Variants in KANK1 observed in about 807,000 individuals in gnomAD.
KANK1 encodes KN motif and ankyrin repeat domain-containing protein 1.
Under a neutral mutation model 106.2 loss-of-function variants are expected in KANK1, and 109 were observed. That is an observed-to-expected ratio of 1.03 (90% CI 0.88 to 1.20). The LOEUF (loss-of-function observed/expected upper bound fraction) is 1.20, where lower values mean the gene tolerates loss of function less well. Ranked by LOEUF, KANK1 falls within the 50% of genes most tolerant of loss-of-function variation. The probability of loss-of-function intolerance (pLI) is 0.00; values close to 1 mark genes in which losing one functional copy is unlikely to be tolerated. For synonymous variants in KANK1, 873 were observed against 652.2 expected, an observed-to-expected ratio of 1.34 and a Z score of -5.16; for missense variants, 2,399 against 1,710.7, an observed-to-expected ratio of 1.40 and a Z score of -7.10.
At chr9:504,461 C>A (rs980797979), upstream of KANK1, among the ~76,000 whole-genome samples, 3 of 151,586 alleles carry the variant, frequency 2.0e-5, no homozygotes, top group African/African-American at 4.8e-5. Flanking sequence ...AAAGAGCGCC[C>A]CCGCGGGGAG....
At chr9:622,027 T>C (rs984272332) in intron 1 of KANK1, among the ~76,000 whole-genome samples, 7 of 152,198 alleles carry the variant, frequency 4.6e-5, no homozygotes, top group African/African-American at 1.7e-4. Context: ...AGGTTTTCTT[T>C]AAACTGATAG....
At chr9:729,783 A>T (rs1245797602) in intron 3 of KANK1, among the ~76,000 whole-genome samples, 1 of 152,198 alleles carries the variant, frequency 6.6e-6, no homozygotes, top group African/African-American at 2.4e-5. Flanking sequence ...GGGCAGTAAA[A>T]TGCTACTTCC....
At chr9:536,364 CA>C (rs995358096) in intron 1 of KANK1, among the ~76,000 whole-genome samples, 210 of 152,148 alleles carry the variant, frequency 1.4e-3, no homozygotes, top group African/African-American at 4.8e-3. Flanking sequence ...CAAAAGCACA[CA>C]TTTTTTTATA....
chr9:572,646 C>G (rs2134914635), intron 1 of KANK1, among the ~76,000 whole-genome samples: 1 of 152,264 alleles, frequency 6.6e-6, no homozygotes, highest in East Asian at 1.9e-4. Context: ...CTGCCATGGC[C>G]TCCCAAAGCA....
intron 7 of KANK1, among the ~76,000 whole-genome samples, chr9:736,497 G>A (rs915680245): frequency 6.6e-6 from 1 of 152,004 alleles, no homozygotes; most frequent in Non-Finnish European, 1.5e-5. Context: ...GAGCCCAGGA[G>A]TTCAGTTTGA....
At chr9:664,828 C>G (rs1483515840) in intron 1 of KANK1, among the ~76,000 whole-genome samples, 1 of 152,156 alleles carries the variant, frequency 6.6e-6, no homozygotes, top group Non-Finnish European at 1.5e-5. Flanking sequence ...TGCATCCTCA[C>G]CAGCATGTTA....
At chr9:511,650 C>T (rs189545126) in intron 1 of KANK1, among the ~76,000 whole-genome samples, 3 of 152,222 alleles carry the variant, frequency 2.0e-5, no homozygotes, top group South Asian at 2.1e-4. Flanking sequence ...CTGTTATTCC[C>T]TTAATTTTTG....
chr9:745,030 T>C, intron 11 of KANK1, 143 bp from the exon 12 acceptor site: 1 of 1,513,434 alleles, frequency 6.6e-7, no homozygotes, highest in Admixed American at 2.2e-5. Context: ...TGGACACCTG[T>C]TCCCTGTTCT....
intron 1 of KANK1, among the ~76,000 whole-genome samples, chr9:508,209 G>C (rs1244106993): frequency 2.3e-5 from 3 of 129,658 alleles, no homozygotes; most frequent in East Asian, 5.0e-4. Context: ...GGTGATCTCA[G>C]CTCACTGCAA....
intron 3 of KANK1, among the ~76,000 whole-genome samples, chr9:727,441 G>T (rs576958266): frequency 6.6e-6 from 1 of 151,558 alleles, no homozygotes; most frequent in African/African-American, 2.4e-5. Context: ...TCAGCCTCCC[G>T]AGCAGCTCTG....
intron 1 of KANK1, among the ~76,000 whole-genome samples, chr9:542,040 G>A (rs2060633449): frequency 6.6e-6 from 1 of 151,506 alleles, no homozygotes. Flanking sequence ...AGTGAGCCGA[G>A]ATCGCGCCAC....
At position 635,694 on chromosome 9, in the gene KANK1, CTTTTTTTT is replaced by C. The variant is rs1162836319; in HGVS notation, c.-83-41181_-83-41174del. Among the ~76,000 whole-genome samples, 8 of 103,364 alleles carry C rather than the reference CTTTTTTTT, an allele frequency of 7.7e-5. No individual in the cohort carries two copies. The South Asian group carries it at 1.3e-3, about 17-fold the overall frequency. The allele number at this position is 103,364 out of a possible 152,430, so 67.8% of individuals were successfully genotyped here. A position where few individuals can be genotyped will look rare whatever the true frequency, so the allele number is the denominator to read the frequency against. ...CCATTTACCCACATTCCTTTTTATTCTTTTTTTTTTTTTTTTTTTTTTGAGACGGAGTC... is the reference window on the plus strand; with the variant it reads ...CCATTTACCCACATTCCTTTTTATTCTTTTTTTTTTTTTTGAGACGGAGTC... On this transcript the variant is annotated intron_variant, in intron 1 of 11. Coordinates refer to ENST00000382297, the MANE Select transcript of KANK1 (RefSeq NM_015158.5).
rs1342836109 is a variant in KANK1 at position 676,946 on chromosome 9, T to G, written c.-27T>G. 7 of 1,610,574 alleles carry G rather than the reference T, an allele frequency of 4.3e-6. No homozygotes were observed. Among genetic ancestry groups the G allele is most frequent in the Non-Finnish European group, 5.9e-6 (7 of 1,177,444 alleles). On this transcript the variant is annotated 5_prime_UTR_variant, in exon 2 of 12. Transcript: ENST00000382297. ...ATTTGCATGACTCCTCACTCCTTTC[T>G]GGATCTCTCATTGGACTCAAGCCAG...
intron 1 of KANK1, among the ~76,000 whole-genome samples, chr9:577,742 A>G (rs1820962235): frequency 6.6e-6 from 1 of 152,206 alleles, no homozygotes; most frequent in African/African-American, 2.4e-5. Context: ...GGTAGGGCCC[A>G]GGAATTTATG....
At chr9:648,492 G>T (rs78828375) in intron 1 of KANK1, among the ~76,000 whole-genome samples, 7 of 152,050 alleles carry the variant, frequency 4.6e-5, no homozygotes, top group Non-Finnish European at 1.0e-4. Context: ...ATCCATTCAT[G>T]CAAAAGAAGT....
intron 3 of KANK1, among the ~76,000 whole-genome samples, chr9:727,680 A>ATGTGTGTG (rs55997819): frequency 0.015 from 2,132 of 139,746 alleles, 46 homozygotes; most frequent in East Asian, 0.08. Context: ...ATAACTTTTC[A>ATGTGTGTG]TGTGTGTGTG....
intron 1 of KANK1, among the ~76,000 whole-genome samples, chr9:623,503 C>G (rs922954461): frequency 4.0e-5 from 6 of 151,276 alleles, no homozygotes; most frequent in African/African-American, 1.2e-4. Context: ...GGTGAGGAGG[C>G]TGAGGCAGGA....
chr9:585,767 A>G (rs560857355), intron 1 of KANK1, among the ~76,000 whole-genome samples: 72 of 152,200 alleles, frequency 4.7e-4, no homozygotes, highest in Non-Finnish European at 9.1e-4. Flanking sequence ...AGAAAAGTCT[A>G]TGGGGAACTG....
Position 711,701 on chromosome 9 carries a change from C to T in KANK1, c.935C>T (p.Ser312Phe), listed in dbSNP as rs1396241352. 2.5e-6 allele frequency: 4 copies of T among 1,614,096 alleles called. No individual in the cohort carries two copies. Among genetic ancestry groups the T allele is most frequent in the Non-Finnish European group, 2.5e-6 (3 of 1,180,038 alleles). Residue 312 changes from serine to phenylalanine, a missense_variant, in exon 3 of 12, where the codon TCC (serine) becomes TTC (phenylalanine). Physicochemically the swap from Ser to Phe is radical, Grantham distance 155. Coordinates refer to ENST00000382297, the MANE Select transcript of KANK1 (RefSeq NM_015158.5). ...VSQLKNQRAA[S>F]QINVCGVRKR... is the part of the protein sequence containing the mutation. ...CAGCTGAAAAACCAAAGGGCTGCAT[C>T]CCAGATCAATGTCTGTGGTGTGAGG...
Sources: allele counts gnomAD v4.1 joint callset (sites outside exome capture counted in the v4.1 genomes callset), GRCh38; gene constraint gnomAD v4.1.1; transcripts MANE v1.5; gene names NCBI Gene and HGNC (gene_info 2026-07-23, HGNC 2026-07-21).